Variants in TMEM201 observed in about 807,000 individuals in gnomAD.
TMEM201 encodes the protein RP13-15M17.2.
In TMEM201, 26 loss-of-function variants were observed where a neutral mutation model predicts 63.4. That is an observed-to-expected ratio of 0.41 (90% confidence interval 0.30 to 0.57). The LOEUF (loss-of-function observed/expected upper bound fraction) is 0.57, where lower values mean the gene tolerates loss of function less well. TMEM201 is among the 20% of genes least tolerant of loss of function. TMEM201 has a pLI of 0.29. For synonymous variants in TMEM201, 417 were observed against 421.6 expected (o/e 0.99, Z 0.14); for missense variants, 794 against 917.7 (o/e 0.87, Z 1.74).
rs1278142831 is a variant in TMEM201, at chr1:9,598,823, AT to A, written c.606+203del. ...CGCCACCACGCCTGGCTAATTTTGT[AT>A]TTTTGGTAGAAACGGGGTTTCTCCG... On this transcript the variant is annotated intron_variant, in intron 4 of 10. Coordinates refer to ENST00000340381, the MANE Select transcript of TMEM201 (RefSeq NM_001130924.3). Among the ~76,000 whole-genome samples the A allele has an allele frequency of 5.3e-5, 8 of 150,340 alleles. No homozygotes were observed. In the East Asian group the frequency reaches 1.2e-3, roughly 22 times the overall value.
At chr1:9,592,350 T>G (rs1348908958) in intron 1 of TMEM201, among the ~76,000 whole-genome samples, 2 of 152,196 alleles carry the variant, frequency 1.3e-5, no homozygotes, top group Admixed American at 6.5e-5. Flanking sequence ...AACCCCGCAC[T>G]GGGGCCAGCA....
intron 6 of TMEM201, among the ~76,000 whole-genome samples, chr1:9,606,876 C>T (rs1215891493): frequency 6.6e-6 from 1 of 152,186 alleles, no homozygotes; most frequent in Non-Finnish European, 1.5e-5. Context: ...TCGGTTTTGG[C>T]GTTGTCCTGT....
In TMEM201 at chr1:9,598,432, T is replaced by G; in HGVS notation, c.430-17T>G. ...TCCACCCCTGCAGATGCCGAGCCTGTTCCCCCAACCCCACAGGGCAGGTAT... is the reference window on the plus strand; with the variant it reads ...TCCACCCCTGCAGATGCCGAGCCTGGTCCCCCAACCCCACAGGGCAGGTAT... On this transcript the variant is annotated splice_polypyrimidine_tract_variant and intron_variant, in intron 3 of 10. Transcript: ENST00000340381. The G allele has an allele frequency of 6.2e-7, 1 of 1,602,038 alleles. No individual in the cohort carries two copies. The highest frequency in any genetic ancestry group is 8.5e-7 in the Non-Finnish European group (1 of 1,170,372).
At chr1:9,609,813 G>A (rs759405583) in intron 7 of TMEM201, 27 bp from the exon 8 acceptor site, 43 of 1,550,650 alleles carry the variant, frequency 2.8e-5, no homozygotes, top group Admixed American at 1.2e-4. Flanking sequence ...CAGGCCTGAC[G>A]TGTCGCCCGC....
At position 9,610,486 on chromosome 1, in the gene TMEM201, A is replaced by G. The variant is rs746523223; in HGVS notation, c.1466-20A>G. The G allele has an allele frequency of 1.3e-6, 2 of 1,497,674 alleles. No individual in the cohort carries two copies. Among genetic ancestry groups the G allele is most frequent in the East Asian group, 5.0e-5 (2 of 40,180 alleles). 92.8% of individuals were successfully genotyped at this position (1,497,674 alleles called of 1,614,324 possible). ...AGTGACAGGAGCCCACGTTCACATC[A>G]TCTTCCTCCCTCCCTCCAGATTACT... is the stretch of plus-strand genomic sequence containing the variant. On this transcript the variant is annotated intron_variant, in intron 8 of 10. Coordinates refer to ENST00000340381, the MANE Select transcript of TMEM201 (RefSeq NM_001130924.3). This position sits in a 1 kb window ranked among gnomAD's most constrained non-coding sequence, Gnocchi z 4.9.
chr1:9,612,975 CTGCTT>C lies in TMEM201; in HGVS notation c.1904-7_1904-3del. The C allele has an allele frequency of 6.4e-7, 1 of 1,551,506 alleles. No individual in the cohort carries two copies. The highest frequency in any genetic ancestry group is 8.7e-7 in the Non-Finnish European group (1 of 1,146,896). ...CCCAAACAATGTTCTGACCAGGTCT[CTGCTT>C]TGCAGGTCGTTTCGGCCCTTCCCTG... On this transcript the variant is annotated splice_region_variant and splice_polypyrimidine_tract_variant and intron_variant, in intron 10 of 10. Coordinates refer to ENST00000340381, the MANE Select transcript of TMEM201 (RefSeq NM_001130924.3).
At position 9,601,089 on chromosome 1, in the gene TMEM201, T is replaced by C; in HGVS notation, c.607-16T>C. On this transcript the variant is annotated splice_polypyrimidine_tract_variant and intron_variant, in intron 4 of 10. Transcript: ENST00000340381. Reference sequence around the variant, plus strand: ...TGTGGCCGTCTCACTAACCCGCCTCTCTTCCTCCTTTGCAGAACTTCTCCT... The same window carrying C: ...TGTGGCCGTCTCACTAACCCGCCTCCCTTCCTCCTTTGCAGAACTTCTCCT... The C allele has an allele frequency of 6.4e-7, 1 of 1,570,178 alleles. No individual in the cohort carries two copies. The highest frequency in any genetic ancestry group is 8.7e-7 in the Non-Finnish European group (1 of 1,151,318).
Position 9,610,630 on chromosome 1 carries a change from T to G in TMEM201, c.1590T>G (p.Pro530=). 1 of 1,550,682 alleles carries G rather than the reference T, an allele frequency of 6.4e-7. No homozygotes were observed. The highest frequency in any genetic ancestry group is 8.7e-7 in the Non-Finnish European group (1 of 1,146,910). ...SLRHRRPLIS[P]ARLNLKGQKL... ...GCCACCGCAGGCCCCTCATCAGCCC[T>G]GCCCGGCTCAACCTGAAGGGACAGA... is the stretch of plus-strand genomic sequence containing the variant. Residue 530 remains proline, a synonymous_variant, in exon 9 of 11, where the codon CCT becomes CCG. Transcript: ENST00000340381. This position sits in a 1 kb window ranked among gnomAD's most constrained non-coding sequence, Gnocchi z 4.9.
At chr1:9,589,493 A>T (rs981752000) in intron 1 of TMEM201, among the ~76,000 whole-genome samples, 2 of 152,280 alleles carry the variant, frequency 1.3e-5, no homozygotes, top group African/African-American at 4.8e-5. Flanking sequence ...ACGCTAGAGC[A>T]GCTGAGGGAC....
At position 9,595,873 on chromosome 1, in the gene TMEM201, C is replaced by T. The variant is rs756173886; in HGVS notation, c.114-17C>T. ...CTGGGGTCTTCCAGGCCAACCCGCT[C>T]TTTCCTTGGTCCACAGGATGAAGCC... On this transcript the variant is annotated splice_polypyrimidine_tract_variant and intron_variant, in intron 1 of 10. Transcript: ENST00000340381. 3.7e-6 allele frequency: 6 copies of T among 1,612,516 alleles called. No individual in the cohort carries two copies. In the East Asian group the frequency reaches 1.1e-4, roughly 30 times the overall value.
chr1:9,611,293 G>T (rs976374667), intron 9 of TMEM201, among the ~76,000 whole-genome samples: 25 of 151,562 alleles, frequency 1.6e-4, no homozygotes, highest in Admixed American at 1.6e-3. Flanking sequence ...CTCCTCCAGG[G>T]TTCAAGAGAT....
In TMEM201 at chr1:9,598,597, G is replaced by A. The variant is rs749881915; in HGVS notation, c.578G>A (p.Arg193His). The A allele has an allele frequency of 4.3e-5, 69 of 1,613,272 alleles. No individual in the cohort carries two copies. Among genetic ancestry groups the A allele is most frequent in the East Asian group, 2.2e-4 (10 of 44,888 alleles). The change falls in exon 4 of 11, where the codon CGC becomes CAC. Residue 193 changes from arginine (R) to histidine (H), a missense_variant. Physicochemically the swap from Arg to His is conservative, Grantham distance 29 (BLOSUM62 0). Coordinates refer to ENST00000340381, the MANE Select transcript of TMEM201 (RefSeq NM_001130924.3). ...CTGTTGCTCAGCCACCAGTTCAAGC[G>A]CCGGGAGGCCGACCAGACCCACGCA... ...RALLLSHQFKRREADQTHAQN... is the reference protein window; with the variant it reads ...RALLLSHQFKHREADQTHAQN...
rs1644010250 is a variant in TMEM201, at chr1:9,595,936, G to A, written c.160G>A (p.Asp54Asn). 6.2e-7 allele frequency: 1 copy of A among 1,613,612 alleles called. No homozygotes were observed. Among genetic ancestry groups the A allele is most frequent in the Non-Finnish European group, 8.5e-7 (1 of 1,180,032 alleles). Residue 54 changes from aspartate (D) to asparagine (N), a missense_variant, in exon 2 of 11, where the codon GAT (aspartate) becomes AAT (asparagine). Physicochemically the swap from Asp to Asn is conservative, Grantham distance 23. Transcript: ENST00000340381. ...TMVNCWFCNQ[D>N]TLVPYGNRNC... ...GGTCAACTGCTGGTTCTGCAACCAG[G>A]ATACGCTGGTGCCCTATGGGAACCG...
Position 9,604,162 on chromosome 1 carries a change from T to C in TMEM201, c.1160+1890T>C, listed in dbSNP as rs761164802. The C allele has an allele frequency of 4.1e-6, 4 of 985,388 alleles. No homozygotes were observed. Among genetic ancestry groups the C allele is most frequent in the Non-Finnish European group, 4.8e-6 (4 of 829,916 alleles). 61.0% of individuals were successfully genotyped at this position (985,388 alleles called of 1,614,324 possible). ...CTCGAATCTTCGGTTCTCGAGGAAG[T>C]GTTGACAGTGTGATGCTAATGTCTG... On this transcript the variant is annotated intron_variant, in intron 6 of 10. Transcript: ENST00000340381. This position sits in a 1 kb window ranked among gnomAD's most constrained non-coding sequence, Gnocchi z 4.1.
In TMEM201 at chr1:9,603,828, G is replaced by A. The variant is rs1266967942; in HGVS notation, c.1160+1556G>A. 5 of 985,358 alleles carry A rather than the reference G, an allele frequency of 5.1e-6. No homozygotes were observed. Among genetic ancestry groups the A allele is most frequent in the Non-Finnish European group, 4.8e-6 (4 of 829,960 alleles). 61.0% of individuals were successfully genotyped at this position (985,358 alleles called of 1,614,324 possible). ...GGGGGCTTCTGTGGCCTCTGTGCCC[G>A]ATGACCTGCGTGGCTTCAGACAAGG... is the stretch of plus-strand genomic sequence containing the variant. On this transcript the variant is annotated intron_variant, in intron 6 of 10. Coordinates refer to ENST00000340381, the MANE Select transcript of TMEM201 (RefSeq NM_001130924.3). This position sits in a 1 kb window ranked among gnomAD's most constrained non-coding sequence, Gnocchi z 4.5.
chr1:9,611,345 G>A (rs919273941), intron 9 of TMEM201, among the ~76,000 whole-genome samples: 8 of 152,158 alleles, frequency 5.3e-5, no homozygotes, highest in Admixed American at 3.3e-4. Flanking sequence ...CTACAGGTGC[G>A]CGCCACCATG....
Position 9,601,575 on chromosome 1 carries a change from A to G in TMEM201, c.956+121A>G, listed in dbSNP as rs1370710983. The G allele has an allele frequency of 7.1e-6, 7 of 985,300 alleles. 1 individual carries two copies. Among genetic ancestry groups the G allele is most frequent in the Non-Finnish European group, 1.0e-5 (7 of 687,854 alleles). 61.0% of individuals were successfully genotyped at this position (985,300 alleles called of 1,614,324 possible). On this transcript the variant is annotated intron_variant, in intron 5 of 10. Coordinates refer to ENST00000340381, the MANE Select transcript of TMEM201 (RefSeq NM_001130924.3). ...GCCCTAGGCTGAACTCCACCATGTCACTGGTACAAGGCTTGGTCCCAGGGG... is the reference window on the plus strand; with the variant it reads ...GCCCTAGGCTGAACTCCACCATGTCGCTGGTACAAGGCTTGGTCCCAGGGG...
intron 3 of TMEM201, among the ~76,000 whole-genome samples, chr1:9,597,741 A>C (rs1460519324): frequency 6.6e-6 from 1 of 152,124 alleles, no homozygotes; most frequent in Admixed American, 6.5e-5. Context: ...GGGAGAACAG[A>C]GGTGAACTCA....
intron 1 of TMEM201, among the ~76,000 whole-genome samples, chr1:9,592,328 T>TAG (rs1351375735): frequency 1.3e-5 from 2 of 152,176 alleles, no homozygotes; most frequent in African/African-American, 4.8e-5. Context: ...ACCTGACTCT[T>TAG]ACAGTCTTTC....
Sources: gnomAD v4.1 joint callset for allele counts (sites outside exome capture counted in the v4.1 genomes callset) on GRCh38, gnomAD v4.1.1 for gene constraint, Gnocchi (gnomAD v3.1) non-coding constraint, MANE v1.5 for transcripts, NCBI Gene and HGNC (gene_info 2026-07-23, HGNC 2026-07-21) for gene names.